GAREM1: variants seen among roughly 807,000 people sequenced by gnomAD.
GAREM1 encodes the protein GRB2 associated regulator of MAPK1 subtype 1.
In GAREM1, 26 loss-of-function variants were observed where a neutral mutation model predicts 71.3. That is an observed-to-expected ratio of 0.36 (90% confidence interval 0.27 to 0.51). The LOEUF (loss-of-function observed/expected upper bound fraction) is 0.51, where lower values mean the gene tolerates loss of function less well. Among genes scored for constraint, GAREM1 ranks in the 20% least tolerant of loss-of-function variants. The pLI, the probability that GAREM1 is intolerant of heterozygous loss-of-function variation, is 0.95. For missense variants in GAREM1, 1,026 were observed against 1,103.1 expected, an observed-to-expected ratio of 0.93 and a Z score of 0.99; for synonymous variants, 440 against 433.2, an observed-to-expected ratio of 1.02 and a Z score of -0.20.
chr18:32,284,970 C>A (rs1310325770), intron 4 of GAREM1, among the ~76,000 whole-genome samples: 2 of 151,884 alleles, frequency 1.3e-5, no homozygotes, highest in Admixed American at 6.6e-5. Flanking sequence ...AGGATGGTCT[C>A]GATCTCCTGA....
intron 1 of GAREM1, among the ~76,000 whole-genome samples, chr18:32,441,139 T>C (rs1017979726): frequency 1.3e-5 from 2 of 152,186 alleles, no homozygotes; most frequent in African/African-American, 4.8e-5. Context: ...GTTCCTATGT[T>C]TTGAGAGGGA....
intron 2 of GAREM1, among the ~76,000 whole-genome samples, chr18:32,389,026 T>C (rs1245110719): frequency 1.3e-5 from 2 of 152,080 alleles, no homozygotes; most frequent in Non-Finnish European, 2.9e-5. Flanking sequence ...AAAAAATAAA[T>C]AGCATATTTG....
intron 3 of GAREM1, 141 bp downstream of exon 3, chr18:32,310,052 G>A (rs2047300494): frequency 8.1e-6 from 6 of 743,130 alleles, no homozygotes; most frequent in African/African-American, 5.4e-5. Context: ...TACAATATAT[G>A]TGGTTTTGGC....
At chr18:32,334,949 G>A (rs897692148) in intron 2 of GAREM1, among the ~76,000 whole-genome samples, 1 of 152,068 alleles carries the variant, frequency 6.6e-6, no homozygotes, top group South Asian at 2.1e-4. Context: ...CTTTGCTGGC[G>A]AATGCCCACT....
intron 2 of GAREM1, among the ~76,000 whole-genome samples, chr18:32,357,591 T>G (rs2047818820): frequency 6.6e-6 from 1 of 152,246 alleles, no homozygotes; most frequent in African/African-American, 2.4e-5. Context: ...AAGGCTCTGA[T>G]TGTTGCATCA....
intron 1 of GAREM1, among the ~76,000 whole-genome samples, chr18:32,439,003 G>C (rs2048709247): frequency 6.6e-6 from 1 of 152,222 alleles, no homozygotes; most frequent in South Asian, 2.1e-4. Flanking sequence ...GTAAGGTGCA[G>C]GTGGAGGGGG....
intron 1 of GAREM1, among the ~76,000 whole-genome samples, chr18:32,443,542 A>G (rs1226907480): frequency 6.6e-6 from 1 of 152,198 alleles, no homozygotes; most frequent in Non-Finnish European, 1.5e-5. Flanking sequence ...GATGCTCAAC[A>G]TCGTTAGTCA....
At chr18:32,430,634 A>G (rs1319734542) in intron 1 of GAREM1, among the ~76,000 whole-genome samples, 1 of 152,238 alleles carries the variant, frequency 6.6e-6, no homozygotes. Context: ...TAAAAAGTAC[A>G]CAGCAGCCAG....
chr18:32,268,870 T>C lies in GAREM1; in HGVS notation c.1734-102A>G, dbSNP rs1227579023. 7.6e-6 allele frequency: 7 copies of C among 923,904 alleles called. No homozygotes were observed. The Admixed American group carries it at 1.9e-4, about 25-fold the overall frequency. The allele number at this position is 923,904 out of a possible 1,614,324, so 57.2% of individuals were successfully genotyped here. A position where few individuals can be genotyped will look rare whatever the true frequency, so the allele number is the denominator to read the frequency against. On this transcript the variant is annotated intron_variant, in intron 5 of 5. Coordinates refer to ENST00000269209, the MANE Select transcript of GAREM1 (RefSeq NM_001242409.2). ...TTACTGCTGAGTAGAAAAGCGCAGT[T>C]AGTTTTGAATTCAATAAAATTCCTG...
At chr18:32,409,443 T>G (rs1343431874) in intron 1 of GAREM1, among the ~76,000 whole-genome samples, 1 of 152,208 alleles carries the variant, frequency 6.6e-6, no homozygotes, top group Middle Eastern at 3.2e-3. Flanking sequence ...TTCTACATTT[T>G]ATAGTTTACT....
chr18:32,270,388 C>T lies in GAREM1; in HGVS notation c.1567-5G>A, dbSNP rs1362521730. The T allele has an allele frequency of 3.7e-5, 59 of 1,607,592 alleles. No individual in the cohort carries two copies. Among genetic ancestry groups the T allele is most frequent in the Non-Finnish European group, 4.6e-5 (54 of 1,177,364 alleles). The stretch of plus-strand genomic sequence containing the variant: ...GAGCCGGCATTCTTCTCTGACCTGG[C>T]GCAGAAAAGAACACTCCAGGTTAGC... On this transcript the variant is annotated splice_region_variant and splice_polypyrimidine_tract_variant and intron_variant, in intron 4 of 5. Coordinates refer to ENST00000269209, the MANE Select transcript of GAREM1 (RefSeq NM_001242409.2).
chr18:32,401,171 GT>G (rs1490817285), intron 1 of GAREM1, among the ~76,000 whole-genome samples: 1 of 152,056 alleles, frequency 6.6e-6, no homozygotes, highest in Non-Finnish European at 1.5e-5. Flanking sequence ...ACCAGGGCCT[GT>G]CGTGGGGTTG....
chr18:32,316,825 A>C (rs11081757), intron 2 of GAREM1, among the ~76,000 whole-genome samples: 9,579 of 152,242 alleles, frequency 0.063, 326 homozygotes, highest in African/African-American at 0.082. Flanking sequence ...TTCTTAATGT[A>C]ATGTTTAAAC....
intron 2 of GAREM1, among the ~76,000 whole-genome samples, chr18:32,359,092 T>C (rs560949646): frequency 2.6e-5 from 4 of 152,240 alleles, no homozygotes; most frequent in Admixed American, 2.6e-4. Flanking sequence ...ATGTGGTAGG[T>C]TTTGAAAAAA....
At chr18:32,358,842 C>T (rs1402077779) in intron 2 of GAREM1, among the ~76,000 whole-genome samples, 1 of 152,166 alleles carries the variant, frequency 6.6e-6, no homozygotes, top group African/African-American at 2.4e-5. Context: ...TAGAAGCAGG[C>T]CTGGCTACAT....
At chr18:32,437,732 A>G (rs990224670) in intron 1 of GAREM1, among the ~76,000 whole-genome samples, 1 of 151,964 alleles carries the variant, frequency 6.6e-6, no homozygotes, top group African/African-American at 2.4e-5. Context: ...AAATGGGAGG[A>G]AAAAAAATGA....
At chr18:32,348,782 T>C (rs2144588167) in intron 2 of GAREM1, among the ~76,000 whole-genome samples, 1 of 152,306 alleles carries the variant, frequency 6.6e-6, no homozygotes, top group South Asian at 2.1e-4. Flanking sequence ...AAAGATGTAA[T>C]TTGCCAACTC....
rs549932881 is a variant in GAREM1, at chr18:32,315,737, C to T, written c.263-5414G>A. Among the ~76,000 whole-genome samples, 9 of 151,740 alleles carry T rather than the reference C, an allele frequency of 5.9e-5. No individual in the cohort carries two copies. In the East Asian group the frequency reaches 9.7e-4, roughly 16 times the overall value. ...CTGTGATTGCAGGTACTGTTCAAGT[C>T]GTTAAATAAAGATTACATGATACAA... On this transcript the variant is annotated intron_variant, in intron 2 of 5. Transcript: ENST00000269209.
At chr18:32,430,989 T>G (rs912063902) in intron 1 of GAREM1, among the ~76,000 whole-genome samples, 3 of 152,010 alleles carry the variant, frequency 2.0e-5, no homozygotes, top group African/African-American at 7.3e-5. Context: ...TTCAACAGAG[T>G]GATCCTATAA....
Sources: gnomAD v4.1 joint callset for allele counts (sites outside exome capture counted in the v4.1 genomes callset) on GRCh38, gnomAD v4.1.1 for gene constraint, MANE v1.5 for transcripts, NCBI Gene and HGNC (gene_info 2026-07-23, HGNC 2026-07-21) for gene names.